Variants in NRG1 observed in about 807,000 individuals in gnomAD.
NRG1 encodes the protein pro-neuregulin-1, membrane-bound isoform.
In NRG1, 18 loss-of-function variants were observed where a neutral mutation model predicts 63.8. The observed-to-expected ratio is 0.28, with a 90% CI of 0.19 to 0.42. NRG1 has a LOEUF of 0.42. NRG1 is among the 10% of genes least tolerant of loss of function. The pLI, the probability that NRG1 is intolerant of heterozygous loss-of-function variation, is 1.00. For synonymous variants in NRG1, 302 were observed against 301.3 expected (o/e 1.00, Z -0.02); for missense variants, 762 against 814.7 (o/e 0.94, Z 0.79).
chr8:32,609,554 CCTTCCTTCCTTCCTT>C (rs1845943429), intron 3 of NRG1, among the ~76,000 whole-genome samples: 2 of 11,790 alleles, frequency 1.7e-4, no homozygotes, highest in African/African-American at 7.8e-4. Context: ...TTCCCTCCCT[CCTTCCTTCCTTCCTT>C]CCTTCCTTCC....
intron 7 of NRG1, among the ~76,000 whole-genome samples, chr8:32,743,527 A>ATG (rs201597575): frequency 0.017 from 2,467 of 147,270 alleles, 74 homozygotes; most frequent in African/African-American, 0.058. Context: ...GTATATATAT[A>ATG]TGTGTGTGCG....
chr8:32,662,238 G>T (rs117468824), intron 5 of NRG1, among the ~76,000 whole-genome samples: 1 of 152,066 alleles, frequency 6.6e-6, no homozygotes, highest in Non-Finnish European at 1.5e-5. Context: ...CTGATGAAAG[G>T]CTTGAATGAA....
chr8:32,655,235 G>A (rs1801201883), intron 5 of NRG1, among the ~76,000 whole-genome samples: 1 of 152,070 alleles, frequency 6.6e-6, no homozygotes, highest in African/African-American at 2.4e-5. Context: ...TGGGGTTTTA[G>A]GGGAACCTTA....
rs117597741 is a variant in NRG1, at chr8:32,497,705, C to T, written c.38-98123C>T. ...ACTAGTCTAGGGCTGGAGGAACATG[C>T]GAGGGGACTGTTGGAAAGGAAAAAC... On this transcript the variant is annotated intron_variant, in intron 1 of 10. Transcript: ENST00000519301. Among the ~76,000 whole-genome samples, 331 of 152,106 alleles carry T rather than the reference C, an allele frequency of 2.2e-3. 2 individuals are homozygous for T. The highest frequency in any genetic ancestry group is 3.5e-3 in the Non-Finnish European group (240 of 68,002).
chr8:32,349,109 A>G (rs1354142014), intron 1 of NRG1, among the ~76,000 whole-genome samples: 1 of 152,164 alleles, frequency 6.6e-6, no homozygotes, highest in Non-Finnish European at 1.5e-5. Context: ...AAAAATAGCT[A>G]TTGGCTCACA....
chr8:31,675,003 A>T (rs1385830998), intron 1 of NRG1, among the ~76,000 whole-genome samples: 1 of 152,178 alleles, frequency 6.6e-6, no homozygotes, highest in Non-Finnish European at 1.5e-5. Context: ...GTTTTAGAGT[A>T]AGATGTCAGG....
intron 1 of NRG1, among the ~76,000 whole-genome samples, chr8:31,957,106 C>T (rs113374297): frequency 2.0e-4 from 31 of 152,020 alleles, no homozygotes; most frequent in African/African-American, 6.8e-4. Context: ...TTGTCAAATG[C>T]CGTAATGTTC....
At chr8:31,863,063 T>C (rs567627351) in intron 1 of NRG1, among the ~76,000 whole-genome samples, 1 of 152,278 alleles carries the variant, frequency 6.6e-6, no homozygotes, top group African/African-American at 2.4e-5. Context: ...AACATAGGTA[T>C]CCAGAAATCA....
At position 32,548,789 on chromosome 8, in the gene NRG1, CAAGAAGCCGGA is replaced by C. The variant is rs1165531533; in HGVS notation, c.64_74del (p.Lys22ValfsTer33). The C allele has an allele frequency of 1.4e-5, 22 of 1,586,664 alleles. No homozygotes were observed. Among genetic ancestry groups the C allele is most frequent in the Non-Finnish European group, 1.9e-5 (22 of 1,168,606 alleles). Reference sequence around the variant, plus strand: ...GCAAGAAGAAGGAGCGAGGCTCCGGCAAGAAGCCGGAGTCCGCGGCGGGCAGCCAGAGCCCA... The same window carrying C: ...GCAAGAAGAAGGAGCGAGGCTCCGGCGTCCGCGGCGGGCAGCCAGAGCCCA... On this transcript the variant is annotated frameshift_variant, in exon 1 of 12. Coordinates refer to ENST00000356819, the Ensembl canonical transcript of NRG1. LOFTEE classifies it high-confidence loss of function.
intron 1 of NRG1, among the ~76,000 whole-genome samples, chr8:31,893,283 T>C (rs1831296309): frequency 6.6e-6 from 1 of 151,508 alleles, no homozygotes; most frequent in South Asian, 2.1e-4. Flanking sequence ...TGTTGCACTA[T>C]ACACCAAAAT....
chr8:32,218,089 TAAAC>T (rs1845433610), intron 1 of NRG1, among the ~76,000 whole-genome samples: 1 of 152,230 alleles, frequency 6.6e-6, no homozygotes, highest in African/African-American at 2.4e-5. Context: ...TGTAAGTTCT[TAAAC>T]AAAATAGTGG....
intron 5 of NRG1, among the ~76,000 whole-genome samples, chr8:32,700,082 T>G (rs1814445602): frequency 6.6e-6 from 1 of 152,072 alleles, no homozygotes; most frequent in African/African-American, 2.4e-5. Context: ...GCAGACCCCC[T>G]CCCATTTCCT....
intron 1 of NRG1, among the ~76,000 whole-genome samples, chr8:31,746,326 CTTAG>C (rs1815857755): frequency 6.6e-6 from 1 of 151,968 alleles, no homozygotes; most frequent in Non-Finnish European, 1.5e-5. Flanking sequence ...ACCGAATTTT[CTTAG>C]TTAAATTTAT....
chr8:31,833,363 C>T (rs375948025), intron 1 of NRG1, among the ~76,000 whole-genome samples: 1 of 152,166 alleles, frequency 6.6e-6, no homozygotes, highest in Non-Finnish European at 1.5e-5. Context: ...TATGAATATC[C>T]TTCTGGAAGC....
At chr8:32,522,661 A>G (rs1830445663) in intron 1 of NRG1, among the ~76,000 whole-genome samples, 1 of 152,152 alleles carries the variant, frequency 6.6e-6, no homozygotes, top group African/African-American at 2.4e-5. Context: ...CTCTTCTCTT[A>G]TATCTTCAAT....
intron 1 of NRG1, among the ~76,000 whole-genome samples, chr8:32,079,780 A>G (rs1827167659): frequency 6.6e-6 from 1 of 152,150 alleles, no homozygotes; most frequent in African/African-American, 2.4e-5. Context: ...TTCCCACACA[A>G]GACAAGGTGA....
At chr8:32,237,962 T>A (rs1046021186) in intron 1 of NRG1, among the ~76,000 whole-genome samples, 3 of 152,074 alleles carry the variant, frequency 2.0e-5, no homozygotes, top group African/African-American at 7.2e-5. Context: ...CAAATATCCA[T>A]GGAAAAAATA....
In NRG1 at chr8:31,640,283, A is replaced by AGGCGGC. The variant is rs770519581; in HGVS notation, c.37+864_37+869dup. ...CGGCAGCAGGGGGCACTCGACAGGA[A>AGGCGGC]GGCGGCGGCGGCGGCGGGCGAGGCA... On this transcript the variant is annotated intron_variant, in intron 1 of 10. Transcript: ENST00000519301. The surrounding 1 kb of genome is among the most constrained non-coding windows in gnomAD (Gnocchi z 6.3). 20 of 1,120,108 alleles carry AGGCGGC rather than the reference A, an allele frequency of 1.8e-5. No individual in the cohort carries two copies. The highest frequency in any genetic ancestry group is 3.8e-4 in the Middle Eastern group (1 of 2,666). The allele number at this position is 1,120,108 out of a possible 1,614,324, so 69.4% of individuals were successfully genotyped here.
At chr8:32,713,751 ATATAT>A (rs199532886) in intron 5 of NRG1, among the ~76,000 whole-genome samples, 13,524 of 147,034 alleles carry the variant, frequency 0.092, 687 homozygotes, top group Middle Eastern at 0.16. Context: ...TTTGTTATAA[ATATAT>A]TATATATTTA....
Sources: gnomAD v4.1 joint callset for allele counts (sites outside exome capture counted in the v4.1 genomes callset) on GRCh38, gnomAD v4.1.1 for gene constraint, Gnocchi (gnomAD v3.1) non-coding constraint, MANE v1.5 for transcripts, NCBI Gene and HGNC (gene_info 2026-07-23, HGNC 2026-07-21) for gene names.